The following ACVR1C variants were observed in gnomAD, a reference collection of about 807,000 sequenced individuals.
ACVR1C encodes activin A receptor type 1C, also known as activin receptor type-1C.
A neutral mutation model predicts 57.9 loss-of-function variants in ACVR1C; 23 were observed. That is an observed-to-expected ratio of 0.40 (90% confidence interval 0.29 to 0.56). The LOEUF (loss-of-function observed/expected upper bound fraction) is 0.56, where lower values mean the gene tolerates loss of function less well. Among genes scored for constraint, ACVR1C ranks in the 20% least tolerant of loss-of-function variants. The pLI, the probability that ACVR1C is intolerant of heterozygous loss-of-function variation, is 0.50. For missense variants in ACVR1C, 480 were observed against 607.9 expected (o/e 0.79, Z 2.21); for synonymous variants, 214 against 215.3 (o/e 0.99, Z 0.05).
chr2:157,591,925 A>T (rs958154890), intron 1 of ACVR1C, among the ~76,000 whole-genome samples: 2 of 152,078 alleles, frequency 1.3e-5, no homozygotes, highest in African/African-American at 4.8e-5. Context: ...GGTACCTTTC[A>T]TGACTAAGGT....
intron 1 of ACVR1C, among the ~76,000 whole-genome samples, chr2:157,611,963 G>C (rs934613043): frequency 1.3e-5 from 2 of 152,324 alleles, no homozygotes; most frequent in Non-Finnish European, 1.5e-5. Flanking sequence ...TCATTCTAGA[G>C]CAGAGCATTC....
chr2:157,575,893 C>A (rs886543163), intron 2 of ACVR1C, among the ~76,000 whole-genome samples: 6 of 152,106 alleles, frequency 3.9e-5, no homozygotes, highest in Admixed American at 2.6e-4. Context: ...TAAAGAATGT[C>A]CTCTGCCTGT....
rs1687669803 is a variant in ACVR1C at position 157,543,544 on chromosome 2, C to T, written c.944-682G>A. Among the ~76,000 whole-genome samples the T allele has an allele frequency of 8.5e-5, 13 of 152,066 alleles. No individual in the cohort carries two copies. The South Asian group carries it at 2.7e-3, about 32-fold the overall frequency. ...GCAAATTAATAAGTACTTTTAAATT[C>T]CTCAGTTTTAATTTCTAATATTGTA... On this transcript the variant is annotated intron_variant, in intron 5 of 8. Transcript: ENST00000243349.
At chr2:157,593,956 A>G (rs1682013242) in intron 1 of ACVR1C, among the ~76,000 whole-genome samples, 1 of 152,144 alleles carries the variant, frequency 6.6e-6, no homozygotes, top group Non-Finnish European at 1.5e-5. Flanking sequence ...ATAAGGGAAA[A>G]CATCCATCAC....
intron 1 of ACVR1C, among the ~76,000 whole-genome samples, chr2:157,605,190 A>G (rs1257496997): frequency 6.6e-6 from 1 of 151,720 alleles, no homozygotes; most frequent in Admixed American, 6.6e-5. Flanking sequence ...AAAAAAATCA[A>G]TTGACATATA....
At chr2:157,538,840 G>T in intron 7 of ACVR1C, 137 bp from the exon 8 acceptor site, 1 of 577,796 alleles carries the variant, frequency 1.7e-6, no homozygotes, top group Non-Finnish European at 2.6e-6. Context: ...AAAATAATGT[G>T]TCACTATAAA....
chr2:157,597,522 T>C (rs545728711), intron 1 of ACVR1C: 11 of 985,272 alleles, frequency 1.1e-5, no homozygotes, highest in African/African-American at 1.7e-5. Flanking sequence ...CGACGACAGC[T>C]CCCGCGGGGC....
chr2:157,540,467 T>A (rs1687600417), intron 7 of ACVR1C, among the ~76,000 whole-genome samples: 1 of 152,076 alleles, frequency 6.6e-6, no homozygotes, highest in Admixed American at 6.6e-5. Context: ...CCTGGCTAAT[T>A]TTGTATTTTT....
intron 6 of ACVR1C, 39 bp downstream of exon 6, chr2:157,542,667 T>C: frequency 6.3e-7 from 1 of 1,593,150 alleles, no homozygotes; most frequent in Non-Finnish European, 8.6e-7. Context: ...TATTGGGCAC[T>C]CTCACATCTT....
At chr2:157,620,760 A>G (rs1057421655) in intron 1 of ACVR1C, among the ~76,000 whole-genome samples, 1 of 152,138 alleles carries the variant, frequency 6.6e-6, no homozygotes, top group African/African-American at 2.4e-5. Context: ...AGAACATTCA[A>G]AATCTGGTCT....
At chr2:157,608,396 G>A (rs1478141683) in intron 1 of ACVR1C, among the ~76,000 whole-genome samples, 1 of 151,760 alleles carries the variant, frequency 6.6e-6, no homozygotes, top group Non-Finnish European at 1.5e-5. Flanking sequence ...TTAGTATTTT[G>A]TGGAGGATTT....
chr2:157,615,120 T>C (rs1682613680), intron 1 of ACVR1C, among the ~76,000 whole-genome samples: 1 of 152,148 alleles, frequency 6.6e-6, no homozygotes, highest in South Asian at 2.1e-4. Context: ...TTTTATTCCA[T>C]TTTATTTACA....
intron 1 of ACVR1C, chr2:157,597,699 G>T: frequency 2.7e-6 from 1 of 372,682 alleles, no homozygotes; most frequent in Non-Finnish European, 3.7e-6. Context: ...AAACCTGTGT[G>T]TCTTTAAAAT....
intron 1 of ACVR1C, among the ~76,000 whole-genome samples, chr2:157,589,186 C>T (rs917372106): frequency 3.3e-5 from 5 of 151,772 alleles, no homozygotes; most frequent in Non-Finnish European, 7.4e-5. Context: ...CATATCCACA[C>T]CAAACATCTA....
chr2:157,575,331 C>T (rs1688618972), intron 2 of ACVR1C, among the ~76,000 whole-genome samples: 1 of 152,118 alleles, frequency 6.6e-6, no homozygotes, highest in Non-Finnish European at 1.5e-5. Flanking sequence ...CAGGGTTTCA[C>T]CATGTTGGCC....
At chr2:157,546,064 G>A (rs1290745806) in intron 4 of ACVR1C, among the ~76,000 whole-genome samples, 2 of 152,170 alleles carry the variant, frequency 1.3e-5, no homozygotes, top group African/African-American at 2.4e-5. Flanking sequence ...TTACAGGTGT[G>A]AGCCACCGTG....
rs1245515371 is a variant in ACVR1C, at chr2:157,533,954, T to C, written c.1446A>G (p.Ile482Met). Reference sequence around the variant, plus strand: ...AGTCTTCTTTGACACAAAGTTGAGATATAGTCTTCTTAATACGAAGAGCAG... The same window carrying C: ...AGTCTTCTTTGACACAAAGTTGAGACATAGTCTTCTTAATACGAAGAGCAG... Reference protein sequence around the residue: ...RLTALRIKKTISQLCVKEDCK... With the variant: ...RLTALRIKKTMSQLCVKEDCK... The change falls in exon 9 of 9, where the codon ATA becomes ATG. Residue 482 changes from isoleucine to methionine, a missense_variant. Coordinates refer to ENST00000243349, the MANE Select transcript of ACVR1C (RefSeq NM_145259.3). 2.5e-6 allele frequency: 4 copies of C among 1,593,074 alleles called. No individual in the cohort carries two copies. Among genetic ancestry groups the C allele is most frequent in the South Asian group, 2.3e-5 (2 of 87,066 alleles).
intron 8 of ACVR1C, 71 bp downstream of exon 8, chr2:157,538,502 C>T (rs1444232424): frequency 3.2e-5 from 43 of 1,329,544 alleles, no homozygotes; most frequent in Non-Finnish European, 4.1e-5. Flanking sequence ...ACTATATGGT[C>T]TCTGAAAAGT....
chr2:157,587,528 A>C, intron 1 of ACVR1C, 111 bp from the exon 2 acceptor site: 1 of 793,676 alleles, frequency 1.3e-6, no homozygotes, highest in South Asian at 1.7e-5. Context: ...AAAGGGTTTA[A>C]ATAAAAACAC....
Sources: allele counts gnomAD v4.1 joint callset (sites outside exome capture counted in the v4.1 genomes callset), GRCh38; gene constraint gnomAD v4.1.1; transcripts MANE v1.5; gene names NCBI Gene and HGNC (gene_info 2026-07-23, HGNC 2026-07-21).